CNTN1: variants seen among roughly 807,000 people sequenced by gnomAD.
CNTN1 encodes the protein contactin 1.
Under a neutral mutation model 126.4 loss-of-function variants are expected in CNTN1, and 38 were observed. The observed-to-expected ratio is 0.30, with a 90% CI of 0.23 to 0.39. The LOEUF (loss-of-function observed/expected upper bound fraction) is 0.39, where lower values mean the gene tolerates loss of function less well. Among genes scored for constraint, CNTN1 ranks in the 10% least tolerant of loss-of-function variants. CNTN1 has a pLI of 1.00. For missense variants in CNTN1, 1,009 were observed against 1,248.4 expected (o/e 0.81, Z 2.89); for synonymous variants, 413 against 422.6 (o/e 0.98, Z 0.28).
intron 1 of CNTN1, among the ~76,000 whole-genome samples, chr12:40,744,985 CA>C: frequency 6.6e-6 from 1 of 152,184 alleles, no homozygotes; most frequent in East Asian, 1.9e-4. Context: ...TGGACTGTAG[CA>C]ATGTATAATC....
At chr12:40,958,475 TG>T (rs1946980035) in intron 14 of CNTN1, among the ~76,000 whole-genome samples, 1 of 151,858 alleles carries the variant, frequency 6.6e-6, no homozygotes, top group South Asian at 2.1e-4. Flanking sequence ...TACATTGAAA[TG>T]GTGTCTCATC....
chr12:41,029,296 A>T (rs760852755), intron 23 of CNTN1, 77 bp downstream of exon 23: 1 of 1,476,344 alleles, frequency 6.8e-7, no homozygotes, highest in East Asian at 2.3e-5. Flanking sequence ...AAGGGTAGGG[A>T]TAAGCCTGAT....
intron 20 of CNTN1, among the ~76,000 whole-genome samples, chr12:41,021,447 C>CA (rs748676619): frequency 8.5e-5 from 13 of 152,066 alleles, no homozygotes; most frequent in Non-Finnish European, 1.5e-4. Flanking sequence ...GTTCTATTCT[C>CA]AGTGCCATGC....
intron 12 of CNTN1, among the ~76,000 whole-genome samples, chr12:40,940,388 G>A (rs918998941): frequency 2.0e-5 from 3 of 152,008 alleles, no homozygotes; most frequent in Non-Finnish European, 4.4e-5. Context: ...AAGGGGCTTG[G>A]GCTTCATCTA....
At chr12:40,707,221 CTTTTTCTT>C (rs1941781224) in intron 1 of CNTN1, among the ~76,000 whole-genome samples, 1 of 119,450 alleles carries the variant, frequency 8.4e-6, no homozygotes, top group Non-Finnish European at 1.7e-5. Context: ...CATTTCTTTT[CTTTTTCTT>C]TTTTTTTTTT....
At chr12:40,807,362 C>T (rs765495062) in intron 1 of CNTN1, among the ~76,000 whole-genome samples, 13 of 151,968 alleles carry the variant, frequency 8.6e-5, no homozygotes, top group Non-Finnish European at 1.9e-4. Context: ...GAGTAGTTCT[C>T]TAGTCTAGAG....
chr12:40,836,106 A>C (rs187309061), intron 1 of CNTN1, among the ~76,000 whole-genome samples: 13 of 147,470 alleles, frequency 8.8e-5, no homozygotes, highest in African/African-American at 3.2e-4. Context: ...ATATACGTAC[A>C]TATACAGGTA....
At chr12:40,834,172 A>G (rs1941959319) in intron 1 of CNTN1, among the ~76,000 whole-genome samples, 1 of 152,206 alleles carries the variant, frequency 6.6e-6, no homozygotes, top group South Asian at 2.1e-4. Context: ...TATGTATCAC[A>G]AGATCGTATC....
chr12:40,840,294 T>A (rs1942224907), intron 1 of CNTN1, among the ~76,000 whole-genome samples: 1 of 151,938 alleles, frequency 6.6e-6, no homozygotes, highest in African/African-American at 2.4e-5. Context: ...TAAGAGAATA[T>A]AACAATTCTA....
intron 16 of CNTN1, among the ~76,000 whole-genome samples, chr12:40,990,952 C>A (rs139779555): frequency 5.3e-5 from 8 of 152,290 alleles, no homozygotes; most frequent in African/African-American, 1.9e-4. Context: ...GTACTGTACA[C>A]CCCTCAACCC....
intron 1 of CNTN1, among the ~76,000 whole-genome samples, chr12:40,870,345 G>A (rs1200593325): frequency 6.6e-6 from 1 of 151,902 alleles, no homozygotes; most frequent in East Asian, 1.9e-4. Flanking sequence ...TGTAACAAAA[G>A]ACTTCTTTGT....
chr12:40,833,412 A>C (rs1941932215), intron 1 of CNTN1, among the ~76,000 whole-genome samples: 1 of 152,130 alleles, frequency 6.6e-6, no homozygotes, highest in Middle Eastern at 3.2e-3. Context: ...TTGTCTTTTC[A>C]ATGACAGTTG....
At chr12:40,704,788 T>A (rs1308783398) in intron 1 of CNTN1, among the ~76,000 whole-genome samples, 4 of 152,304 alleles carry the variant, frequency 2.6e-5, no homozygotes, top group Non-Finnish European at 4.4e-5. Flanking sequence ...TAAAATGCTA[T>A]TCCCTGGAAC....
intron 1 of CNTN1, among the ~76,000 whole-genome samples, chr12:40,904,357 CTTCCTTCCT>C (rs11281401): frequency 1.4e-5 from 2 of 146,350 alleles, no homozygotes; most frequent in Admixed American, 6.8e-5. Context: ...TTTTTCCTTC[CTTCCTTCCT>C]TTCCTTCCTT....
intron 15 of CNTN1, among the ~76,000 whole-genome samples, chr12:40,960,976 C>T (rs1354625826): frequency 6.6e-6 from 1 of 151,856 alleles, no homozygotes; most frequent in Non-Finnish European, 1.5e-5. Flanking sequence ...GTACTATTAC[C>T]ATAGAATACT....
chr12:40,724,269 G>C (rs1477572433), intron 1 of CNTN1, among the ~76,000 whole-genome samples: 1 of 152,178 alleles, frequency 6.6e-6, no homozygotes, highest in Non-Finnish European at 1.5e-5. Flanking sequence ...GTTATGGTCA[G>C]ATTCTGCCAT....
At chr12:40,829,392 C>T (rs557830630) in intron 1 of CNTN1, among the ~76,000 whole-genome samples, 6 of 152,012 alleles carry the variant, frequency 3.9e-5, no homozygotes, top group Admixed American at 2.6e-4. Context: ...TCTACTTCCT[C>T]ATGTATGTTT....
chr12:40,897,006 CCTGA>C, intron 1 of CNTN1, among the ~76,000 whole-genome samples: 1 of 152,242 alleles, frequency 6.6e-6, no homozygotes, highest in African/African-American at 2.4e-5. Context: ...TAAAACAGAG[CCTGA>C]CTTAGAAGTT....
At chr12:40,755,497 G>A (rs1938572569) in intron 1 of CNTN1, among the ~76,000 whole-genome samples, 1 of 151,624 alleles carries the variant, frequency 6.6e-6, no homozygotes, top group South Asian at 2.1e-4. Context: ...AGGATTGCTT[G>A]GGGCCGGGAG....
Sources: allele counts gnomAD v4.1 joint callset (sites outside exome capture counted in the v4.1 genomes callset), GRCh38; gene constraint gnomAD v4.1.1; transcripts MANE v1.5; gene names NCBI Gene and HGNC (gene_info 2026-07-23, HGNC 2026-07-21).